Variants in PRKG1 observed in about 807,000 individuals in gnomAD.
The protein encoded by PRKG1 is protein kinase cGMP-dependent 1.
In PRKG1, 35 loss-of-function variants were observed where a neutral mutation model predicts 88.1. The observed-to-expected ratio is 0.40, with a 90% CI of 0.30 to 0.53. The LOEUF (loss-of-function observed/expected upper bound fraction) is 0.53. PRKG1 is among the 20% of genes least tolerant of loss of function. PRKG1 has a pLI of 0.59. For synonymous variants in PRKG1, 303 were observed against 292.5 expected (o/e 1.04, Z -0.37); for missense variants, 540 against 839.8 (o/e 0.64, Z 4.41).
chr10:52,167,687 C>T (rs938577270), intron 9 of PRKG1, among the ~76,000 whole-genome samples: 1 of 151,288 alleles, frequency 6.6e-6, no homozygotes, highest in Middle Eastern at 3.2e-3. Context: ...TCTAGCGATG[C>T]TTTTCAAACT....
In PRKG1 at chr10:51,973,916, G is replaced by A. The variant is rs189400221; in HGVS notation, c.762+66346G>A. 3.2e-3 allele frequency among the ~76,000 whole-genome samples: 489 copies of A among 152,070 alleles called. 2 individuals carry two copies. Among genetic ancestry groups the A allele is most frequent in the Middle Eastern group, 0.01 (3 of 292 alleles). ...CTAAGAAGGAATTTTACATTTAAGC[G>A]GTTAAAAAGTCAGAAGAATATGTTA... is the stretch of plus-strand genomic sequence containing the variant. On this transcript the variant is annotated intron_variant, in intron 5 of 17. Coordinates refer to ENST00000373980, the MANE Select transcript of PRKG1 (RefSeq NM_006258.4).
Position 52,297,078 on chromosome 10 carries a change from T to C in PRKG1, c.*3178T>C, listed in dbSNP as rs1374153215. 1 of 152,156 alleles carries C rather than the reference T, an allele frequency of 6.6e-6. No homozygotes were observed. The highest frequency in any genetic ancestry group is 2.4e-5 in the African/African-American group (1 of 41,462). 9.4% of individuals were successfully genotyped at this position (152,156 alleles called of 1,614,324 possible). A position where few individuals can be genotyped will look rare whatever the true frequency, so the allele number is the denominator to read the frequency against. On this transcript the variant is annotated 3_prime_UTR_variant, in exon 18 of 18. Transcript: ENST00000373980. ...GATTTCATACAATAGAGGTGATCTG[T>C]GCATTATCCATAACAACGTTTTCTT...
At chr10:51,280,383 A>G (rs1183635832) in intron 2 of PRKG1, among the ~76,000 whole-genome samples, 1 of 152,004 alleles carries the variant, frequency 6.6e-6, no homozygotes. Context: ...TCTTTGTGGC[A>G]TTCTCTGTAT....
chr10:51,131,979 A>T (rs1212171779), intron 1 of PRKG1, among the ~76,000 whole-genome samples: 1 of 152,178 alleles, frequency 6.6e-6, no homozygotes, highest in Non-Finnish European at 1.5e-5. Context: ...TTGATCAAAC[A>T]TACAATAAAT....
chr10:51,495,243 C>G (rs1031520850), intron 3 of PRKG1, among the ~76,000 whole-genome samples: 1 of 152,086 alleles, frequency 6.6e-6, no homozygotes, highest in African/African-American at 2.4e-5. Flanking sequence ...TACAGGCGAG[C>G]GCCACCACAC....
chr10:51,899,598 C>A (rs922982430), intron 4 of PRKG1, among the ~76,000 whole-genome samples: 3 of 150,284 alleles, frequency 2.0e-5, no homozygotes, highest in Non-Finnish European at 3.0e-5. Flanking sequence ...GCAGAGGTTG[C>A]AGTGAGCCCA....
At chr10:51,367,658 G>A (rs958824904) in intron 2 of PRKG1, among the ~76,000 whole-genome samples, 2 of 151,852 alleles carry the variant, frequency 1.3e-5, no homozygotes, top group Non-Finnish European at 2.9e-5. Flanking sequence ...TCCATCTAAA[G>A]CAAGCAAAGA....
At chr10:51,566,462 C>A (rs1837607872) in intron 3 of PRKG1, among the ~76,000 whole-genome samples, 1 of 151,950 alleles carries the variant, frequency 6.6e-6, no homozygotes, top group South Asian at 2.1e-4. Flanking sequence ...GTGTTGAGAA[C>A]CAGTGGGCAA....
intron 3 of PRKG1, among the ~76,000 whole-genome samples, chr10:51,793,138 C>CAAAAAAAAAAAAA (rs775904836): frequency 1.4e-5 from 1 of 69,756 alleles, no homozygotes; most frequent in Non-Finnish European, 2.6e-5. Flanking sequence ...CAGCACACTG[C>CAAAAAAAAAAAAA]AAAAAAAAAA....
chr10:51,219,427 C>T (rs79690832), intron 2 of PRKG1, among the ~76,000 whole-genome samples: 6,026 of 151,768 alleles, frequency 0.04, 409 homozygotes, highest in African/African-American at 0.14. Flanking sequence ...AAAGGAGGAG[C>T]GGCCGGGCGC....
chr10:51,486,337 A>T (rs1268744002), intron 3 of PRKG1, among the ~76,000 whole-genome samples: 1 of 152,090 alleles, frequency 6.6e-6, no homozygotes, highest in Non-Finnish European at 1.5e-5. Flanking sequence ...TATCTTGTAA[A>T]TAAGAGAGCA....
chr10:51,901,256 A>G (rs1289926685), intron 4 of PRKG1, among the ~76,000 whole-genome samples: 1 of 152,182 alleles, frequency 6.6e-6, no homozygotes, highest in African/African-American at 2.4e-5. Context: ...ATTCATGTAA[A>G]TGATAATTTC....
intron 4 of PRKG1, among the ~76,000 whole-genome samples, chr10:51,888,267 A>G (rs1380534659): frequency 6.6e-6 from 1 of 152,246 alleles, no homozygotes; most frequent in Non-Finnish European, 1.5e-5. Context: ...CAATAATGAC[A>G]TGCTTTTTGC....
chr10:51,010,469 A>C (rs1427379793), intron 1 of PRKG1, among the ~76,000 whole-genome samples: 3 of 152,224 alleles, frequency 2.0e-5, no homozygotes, highest in Non-Finnish European at 4.4e-5. Flanking sequence ...TAAATTCATC[A>C]ATAATATAAC....
At chr10:51,970,051 C>CACACACACACACA (rs1415860987) in intron 5 of PRKG1, among the ~76,000 whole-genome samples, 8 of 112,244 alleles carry the variant, frequency 7.1e-5, no homozygotes, top group Middle Eastern at 5.1e-3. Flanking sequence ...CACACACACA[C>CACACACACACACA]CCATATTTAT....
intron 2 of PRKG1, among the ~76,000 whole-genome samples, chr10:51,435,843 C>T (rs185680515): frequency 1.8e-4 from 27 of 152,066 alleles, no homozygotes; most frequent in African/African-American, 5.1e-4. Flanking sequence ...TGAAAGTGGG[C>T]TGTGAGTACT....
intron 1 of PRKG1, among the ~76,000 whole-genome samples, chr10:51,102,847 C>G (rs1415363128): frequency 1.3e-5 from 2 of 152,148 alleles, no homozygotes; most frequent in Non-Finnish European, 2.9e-5. Context: ...CACACATACA[C>G]ACACACAGAG....
intron 3 of PRKG1, among the ~76,000 whole-genome samples, chr10:51,761,958 T>G (rs982570037): frequency 3.9e-5 from 6 of 152,156 alleles, no homozygotes; most frequent in Non-Finnish European, 8.8e-5. Context: ...GAGTTAGTAG[T>G]TTTATAGAAG....
intron 9 of PRKG1, among the ~76,000 whole-genome samples, chr10:52,166,416 A>T (rs10824187): frequency 0.073 from 10,894 of 148,444 alleles, 409 homozygotes; most frequent in South Asian, 0.1. Flanking sequence ...ATGAAATAAT[A>T]GTATTTGAAT....
Sources: gnomAD v4.1 joint callset for allele counts (sites outside exome capture counted in the v4.1 genomes callset) on GRCh38, gnomAD v4.1.1 for gene constraint, MANE v1.5 for transcripts, NCBI Gene and HGNC (gene_info 2026-07-23, HGNC 2026-07-21) for gene names.